Variants in KIAA1549L observed in about 807,000 individuals in gnomAD.
KIAA1549L encodes UPF0606 protein KIAA1549L.
A neutral mutation model predicts 160.7 loss-of-function variants in KIAA1549L; 88 were observed. The ratio of observed to expected loss-of-function variants is 0.55; its 90% CI spans 0.46 to 0.65. The LOEUF is 0.65. Among genes scored for constraint, KIAA1549L ranks in the 30% least tolerant of loss-of-function variants. The pLI is 0.00. For synonymous variants in KIAA1549L, 950 were observed against 976.7 expected (o/e 0.97, Z 0.51); for missense variants, 2,258 against 2,437.5 (o/e 0.93, Z 1.55).
At chr11:33,419,897 CATACATACAT>C (rs753446898) in intron 1 of KIAA1549L, among the ~76,000 whole-genome samples, 1,876 of 101,328 alleles carry the variant, frequency 0.019, 48 homozygotes, top group African/African-American at 0.066. Flanking sequence ...TACATACATA[CATACATACAT>C]ATATATATAT....
chr11:33,598,039 G>C (rs946495984), intron 12 of KIAA1549L, among the ~76,000 whole-genome samples: 1 of 152,114 alleles, frequency 6.6e-6, no homozygotes, highest in African/African-American at 2.4e-5. Context: ...GCTCTTGGGG[G>C]GCATGGGGTG....
chr11:33,379,011 A>C (rs1267932300), intron 1 of KIAA1549L, among the ~76,000 whole-genome samples: 2 of 152,182 alleles, frequency 1.3e-5, no homozygotes. Flanking sequence ...CCTAGTTTGG[A>C]ACTTTTTCTG....
intron 1 of KIAA1549L, among the ~76,000 whole-genome samples, chr11:33,446,147 T>C (rs1246314382): frequency 6.7e-6 from 1 of 148,618 alleles, no homozygotes; most frequent in Non-Finnish European, 1.5e-5. Context: ...CAGGCTGGAA[T>C]GCAGTGGTGC....
chr11:33,544,335 A>G lies in KIAA1549L; in HGVS notation c.2772A>G (p.Thr924=), dbSNP rs1590327600. 6.2e-7 allele frequency: 1 copy of G among 1,613,744 alleles called. No individual in the cohort carries two copies. The highest frequency in any genetic ancestry group is 8.5e-7 in the Non-Finnish European group (1 of 1,179,794). ...CTTCTCAGCACCCCAAGAAATGGAC[A>G]GGTGCAGCCACTAATGCAGGTAGTT... ...LRASQHPKKW[T]ADTVSSKVQP... is the part of the protein sequence containing the mutation. Residue 924 remains threonine, a splice_region_variant and synonymous_variant, in exon 2 of 21, where the codon ACA becomes ACG. Coordinates refer to ENST00000658780, the MANE Select transcript of KIAA1549L (RefSeq NM_012194.3).
At chr11:33,657,147 G>C (rs2133436922) in intron 18 of KIAA1549L, among the ~76,000 whole-genome samples, 1 of 129,574 alleles carries the variant, frequency 7.7e-6, no homozygotes, top group African/African-American at 2.7e-5. Context: ...GAACAAGCAA[G>C]CAGAGAGGGA....
chr11:33,420,224 G>GTTTTTTT (rs1353589141), intron 1 of KIAA1549L, among the ~76,000 whole-genome samples: 1 of 104,508 alleles, frequency 9.6e-6, no homozygotes, highest in Non-Finnish European at 1.9e-5. Flanking sequence ...GTATCTCAAA[G>GTTTTTTT]TTTTTTTTTT....
chr11:33,636,493 G>A (rs1286013699), intron 16 of KIAA1549L, among the ~76,000 whole-genome samples: 1 of 151,854 alleles, frequency 6.6e-6, no homozygotes, highest in African/African-American at 2.4e-5. Flanking sequence ...ACCACGCCCA[G>A]CTAATTTTTG....
intron 1 of KIAA1549L, among the ~76,000 whole-genome samples, chr11:33,420,850 A>G (rs1850996401): frequency 6.6e-6 from 1 of 152,162 alleles, no homozygotes; most frequent in Non-Finnish European, 1.5e-5. Context: ...TTAGGGATGT[A>G]CTGTCTGCAA....
chr11:33,517,678 A>G (rs1274336744), intron 1 of KIAA1549L, among the ~76,000 whole-genome samples: 1 of 152,192 alleles, frequency 6.6e-6, no homozygotes, highest in Non-Finnish European at 1.5e-5. Flanking sequence ...TATTTCTGGA[A>G]TCAACCACCC....
At chr11:33,442,472 CTG>C (rs1244363279) in intron 1 of KIAA1549L, among the ~76,000 whole-genome samples, 1 of 152,154 alleles carries the variant, frequency 6.6e-6, no homozygotes, top group Admixed American at 6.6e-5. Flanking sequence ...TCATTGGTAG[CTG>C]ACAGTTATTT....
At chr11:33,530,297 G>A (rs1278588425) in intron 1 of KIAA1549L, among the ~76,000 whole-genome samples, 1 of 150,430 alleles carries the variant, frequency 6.6e-6, no homozygotes, top group African/African-American at 2.4e-5. Flanking sequence ...CGCTACTCAG[G>A]AGGCTGAGTC....
At chr11:33,481,872 T>C (rs1003550037) in intron 1 of KIAA1549L, among the ~76,000 whole-genome samples, 1 of 152,236 alleles carries the variant, frequency 6.6e-6, no homozygotes, top group Non-Finnish European at 1.5e-5. Flanking sequence ...AGGATTATGC[T>C]CTTAACTGCA....
Position 33,668,602 on chromosome 11 carries a change from T to A in KIAA1549L, c.*448T>A, listed in dbSNP as rs1008001135. The stretch of plus-strand genomic sequence containing the variant: ...GGAGTGTGGATTAAGCACCAGACTG[T>A]ATTCTCATTCAACCATGACCGTGCG... On this transcript the variant is annotated 3_prime_UTR_variant, in exon 21 of 21. Transcript: ENST00000658780. 7.5e-5 allele frequency: 13 copies of A among 174,324 alleles called. No homozygotes were observed. The highest frequency in any genetic ancestry group is 2.8e-4 in the African/African-American group (12 of 42,388). The allele number at this position is 174,324 out of a possible 1,614,324, so 10.8% of individuals were successfully genotyped here. A position where few individuals can be genotyped will look rare whatever the true frequency, so the allele number is the denominator to read the frequency against.
At chr11:33,567,964 AGGTAGGACACAGTGGCCCTT>A (rs1215621210) in intron 8 of KIAA1549L, 92 bp from the exon 9 acceptor site, 3 of 1,113,674 alleles carry the variant, frequency 2.7e-6, no homozygotes, top group Non-Finnish European at 3.7e-6. Flanking sequence ...CCCTAACATG[AGGTAGGACACAGTGGCCCTT>A]GGTGGCCTGT....
intron 13 of KIAA1549L, 94 bp downstream of exon 13, chr11:33,599,041 C>A (rs893257660): frequency 2.8e-6 from 4 of 1,415,204 alleles, no homozygotes; most frequent in South Asian, 1.3e-5. Context: ...TCACACACAG[C>A]CACTGGGCTC....
intron 1 of KIAA1549L, among the ~76,000 whole-genome samples, chr11:33,495,576 G>T (rs187777895): frequency 6.6e-6 from 1 of 152,118 alleles, no homozygotes; most frequent in African/African-American, 2.4e-5. Context: ...GAATAATGCC[G>T]CAATAAGCAT....
At chr11:33,430,672 C>T (rs1851219522) in intron 1 of KIAA1549L, among the ~76,000 whole-genome samples, 1 of 152,172 alleles carries the variant, frequency 6.6e-6, no homozygotes, top group Non-Finnish European at 1.5e-5. Context: ...TAATGGATCT[C>T]TGGGATGTCA....
chr11:33,547,681 T>A, intron 3 of KIAA1549L, 83 bp from the exon 4 acceptor site: 1 of 809,680 alleles, frequency 1.2e-6, no homozygotes, highest in Admixed American at 2.1e-5. Flanking sequence ...TTGCAGAAGG[T>A]GGTGGTTGGG....
intron 1 of KIAA1549L, among the ~76,000 whole-genome samples, chr11:33,427,685 G>A (rs768626538): frequency 7.2e-5 from 11 of 152,060 alleles, no homozygotes; most frequent in Admixed American, 2.0e-4. Flanking sequence ...GTACAACTCA[G>A]TAGCATTTAT....
Sources: allele counts gnomAD v4.1 joint callset (sites outside exome capture counted in the v4.1 genomes callset), GRCh38; gene constraint gnomAD v4.1.1; transcripts MANE v1.5; gene names NCBI Gene and HGNC (gene_info 2026-07-23, HGNC 2026-07-21).